Variants in CECR2 observed in about 807,000 individuals in gnomAD.
The protein encoded by CECR2 is chromatin remodeling regulator CECR2.
In CECR2, 30 loss-of-function variants were observed where a neutral mutation model predicts 154.5. The ratio of observed to expected loss-of-function variants is 0.19; its 90% CI spans 0.15 to 0.26. The LOEUF (loss-of-function observed/expected upper bound fraction) is 0.26. Among genes scored for constraint, CECR2 ranks in the 10% least tolerant of loss-of-function variants. The pLI is 1.00. For synonymous variants in CECR2, 725 were observed against 683.7 expected, an observed-to-expected ratio of 1.06 and a Z score of -0.94; for missense variants, 1,743 against 1,829.3, an observed-to-expected ratio of 0.95 and a Z score of 0.86.
At chr22:17,416,072 A>G (rs2054152916) in intron 1 of CECR2, among the ~76,000 whole-genome samples, 1 of 152,210 alleles carries the variant, frequency 6.6e-6, no homozygotes, top group Admixed American at 6.5e-5. Context: ...TGGTGACAAC[A>G]TGAAGCCTGC....
intron 1 of CECR2, among the ~76,000 whole-genome samples, chr22:17,445,543 T>TTTTTTA (rs1320975135): frequency 2.8e-5 from 4 of 141,438 alleles, no homozygotes; most frequent in Admixed American, 7.2e-5. Context: ...TGCTCTATAC[T>TTTTTTA]TTATTATTAT....
chr22:17,370,252 A>T (rs1359225693), intron 1 of CECR2, among the ~76,000 whole-genome samples: 13 of 132,764 alleles, frequency 9.8e-5, no homozygotes, highest in African/African-American at 3.9e-4. Flanking sequence ...TGTGGGCGCG[A>T]GGGCTGCGCG....
chr22:17,512,553 A>C (rs1262787506), intron 8 of CECR2, among the ~76,000 whole-genome samples: 2 of 151,784 alleles, frequency 1.3e-5, no homozygotes, highest in African/African-American at 4.8e-5. Context: ...AAATACAAAA[A>C]TTAGCTGGGT....
intron 1 of CECR2, among the ~76,000 whole-genome samples, chr22:17,374,695 T>C (rs1390443892): frequency 2.0e-5 from 3 of 152,240 alleles, no homozygotes; most frequent in Non-Finnish European, 2.9e-5. Flanking sequence ...CTGACTGTGA[T>C]TTTGGGCAGG....
At chr22:17,530,036 G>A (rs2056329469) in intron 9 of CECR2, among the ~76,000 whole-genome samples, 1 of 152,148 alleles carries the variant, frequency 6.6e-6, no homozygotes, top group Admixed American at 6.5e-5. Flanking sequence ...TAATATTTGT[G>A]TTGGGAATGA....
At chr22:17,541,653 G>T (rs2056523917) in intron 14 of CECR2, among the ~76,000 whole-genome samples, 186 bp from the exon 15 acceptor site, 1 of 152,194 alleles carries the variant, frequency 6.6e-6, no homozygotes, top group Admixed American at 6.5e-5. Flanking sequence ...GAGGGAAGTT[G>T]CTTCAGGCTC....
rs1354586845 is a variant in CECR2, at chr22:17,554,356, C to G, written c.*1516C>G. 6.6e-6 allele frequency: 1 copy of G among 152,160 alleles called. No homozygotes were observed. Among genetic ancestry groups the G allele is most frequent in the Admixed American group, 6.6e-5 (1 of 15,266 alleles). 9.4% of individuals were successfully genotyped at this position (152,160 alleles called of 1,614,324 possible). Reference sequence around the variant, plus strand: ...AGTCTCTATGAAATATTAATCTGCCCTAGTTTCTTATAAATTCAGCTGTGG... The same window carrying G: ...AGTCTCTATGAAATATTAATCTGCCGTAGTTTCTTATAAATTCAGCTGTGG... On this transcript the variant is annotated 3_prime_UTR_variant, in exon 19 of 19. Coordinates refer to ENST00000262608, the MANE Select transcript of CECR2 (RefSeq NM_001290047.2).
In CECR2 at chr22:17,524,254, A is replaced by G; in HGVS notation, c.1091A>G (p.Lys364Arg). 1 of 1,609,162 alleles carries G rather than the reference A, an allele frequency of 6.2e-7. No homozygotes were observed. The highest frequency in any genetic ancestry group is 8.5e-7 in the Non-Finnish European group (1 of 1,178,052). Residue 364 changes from lysine to arginine, a missense_variant, in exon 9 of 19, where the codon AAG becomes AGG. By Grantham distance (26) the Lys-to-Arg change is conservative. Transcript: ENST00000262608. The part of the protein sequence containing the change: ...KEERKRELEE[K>R]VKAVEDRAKR... ...GAGAGGAAACGCGAGTTGGAGGAGA[A>G]GGTCAAGGCAGTGGAAGGTATGTGC... is the stretch of plus-strand genomic sequence containing the variant.
chr22:17,383,014 T>C (rs1487647986), intron 1 of CECR2, among the ~76,000 whole-genome samples: 2 of 152,024 alleles, frequency 1.3e-5, no homozygotes, highest in African/African-American at 4.8e-5. Context: ...GATCATGAGG[T>C]CAGGAGTTCG....
chr22:17,531,923 G>A (rs139106337), intron 9 of CECR2, among the ~76,000 whole-genome samples: 5,955 of 152,256 alleles, frequency 0.039, 231 homozygotes, highest in African/African-American at 0.1. Flanking sequence ...AATCCCAGCA[G>A]TTTGGGAAGC....
intron 2 of CECR2, among the ~76,000 whole-genome samples, chr22:17,480,459 C>G (rs181951388): frequency 0.013 from 1,895 of 143,820 alleles, 24 homozygotes; most frequent in African/African-American, 0.033. Flanking sequence ...CACACACACA[C>G]AGAGAAAAGT....
chr22:17,549,094 C>T lies in CECR2; in HGVS notation c.3807C>T (p.Val1269=). 6.2e-7 allele frequency: 1 copy of T among 1,614,000 alleles called. No individual in the cohort carries two copies. The highest frequency in any genetic ancestry group is 8.5e-7 in the Non-Finnish European group (1 of 1,179,886). ...GTATGGATGCAGTGGCTGCTAAAGTCCCAAATGACGGGCAGAATCCTGGTC... is the reference window on the plus strand; with the variant it reads ...GTATGGATGCAGTGGCTGCTAAAGTTCCAAATGACGGGCAGAATCCTGGTC... ...PTRMDAVAAK[V]PNDGQNPGPE... is the part of the protein sequence containing the mutation. The change falls in exon 17 of 19, where the codon GTC becomes GTT. Residue 1269 remains valine, a synonymous_variant. Coordinates refer to ENST00000262608, the MANE Select transcript of CECR2 (RefSeq NM_001290047.2).
At position 17,556,300 on chromosome 22, in the gene CECR2, C is replaced by T. The variant is rs1372033996; in HGVS notation, c.*3460C>T. 6.6e-6 allele frequency: 1 copy of T among 152,186 alleles called. No homozygotes were observed. The highest frequency in any genetic ancestry group is 1.5e-5 in the Non-Finnish European group (1 of 68,038). The allele number at this position is 152,186 out of a possible 1,614,324, so 9.4% of individuals were successfully genotyped here. The stretch of plus-strand genomic sequence containing the variant: ...TCCTCTTCGTTAGGCTTAGTGAAAA[C>T]CTTAAGACCTGCAGTTTGTGCCCCT... On this transcript the variant is annotated 3_prime_UTR_variant, in exon 19 of 19. Transcript: ENST00000262608.
intron 7 of CECR2, among the ~76,000 whole-genome samples, chr22:17,508,830 T>C (rs1278606295): frequency 6.6e-6 from 1 of 152,238 alleles, no homozygotes; most frequent in African/African-American, 2.4e-5. Flanking sequence ...AGATTGTTAA[T>C]AGCGAGAAGT....
chr22:17,526,374 AAC>A (rs2056264872), intron 9 of CECR2, among the ~76,000 whole-genome samples: 1 of 152,216 alleles, frequency 6.6e-6, no homozygotes, highest in Non-Finnish European at 1.5e-5. Flanking sequence ...ACTCATTTTC[AAC>A]ACACGTGCTA....
rs576722932 is a variant in CECR2, at chr22:17,424,177, A to G, written c.127-53411A>G. On this transcript the variant is annotated intron_variant, in intron 1 of 18. Coordinates refer to ENST00000262608, the MANE Select transcript of CECR2 (RefSeq NM_001290047.2). Reference sequence around the variant, plus strand: ...AGTCTTGAACTCCTGGGTTCAAGCAATCCTCCTGCCTCAGCCTCCCCAAGT... The same window carrying G: ...AGTCTTGAACTCCTGGGTTCAAGCAGTCCTCCTGCCTCAGCCTCCCCAAGT... 1.8e-4 allele frequency among the ~76,000 whole-genome samples: 28 copies of G among 152,236 alleles called. No individual in the cohort carries two copies. The South Asian group carries it at 3.9e-3, about 21-fold the overall frequency.
chr22:17,463,354 C>T (rs547005056), intron 1 of CECR2, among the ~76,000 whole-genome samples: 7 of 149,842 alleles, frequency 4.7e-5, no homozygotes, highest in South Asian at 4.2e-4. Context: ...CTCTGACTCA[C>T]GTTTCGAAGG....
Position 17,555,855 on chromosome 22 carries a change from C to G in CECR2, c.*3015C>G, listed in dbSNP as rs1012733423. On this transcript the variant is annotated 3_prime_UTR_variant, in exon 19 of 19. Coordinates refer to ENST00000262608, the MANE Select transcript of CECR2 (RefSeq NM_001290047.2). ...CTGAGATCGTGGAGAATGGGAAATA[C>G]CATTGCATCTCTTTGATTTAACACT... The G allele has an allele frequency of 6.6e-6, 1 of 152,082 alleles. No homozygotes were observed. Among genetic ancestry groups the G allele is most frequent in the African/African-American group, 2.4e-5 (1 of 41,404 alleles). 9.4% of individuals were successfully genotyped at this position (152,082 alleles called of 1,614,324 possible).
intron 1 of CECR2, among the ~76,000 whole-genome samples, chr22:17,464,205 C>G (rs2054989674): frequency 6.6e-6 from 1 of 152,198 alleles, no homozygotes; most frequent in South Asian, 2.1e-4. Context: ...ACTGCTTCAT[C>G]AGTTGAGACA....
Sources: gnomAD v4.1 joint callset for allele counts (sites outside exome capture counted in the v4.1 genomes callset) on GRCh38, gnomAD v4.1.1 for gene constraint, MANE v1.5 for transcripts, NCBI Gene and HGNC (gene_info 2026-07-23, HGNC 2026-07-21) for gene names.